The following GNAT3 variants were observed in gnomAD, a reference collection of about 807,000 sequenced individuals.
GNAT3 encodes guanine nucleotide-binding protein G(t) subunit alpha-3.
A neutral mutation model predicts 37.7 loss-of-function variants in GNAT3; 31 were observed. The observed-to-expected ratio is 0.82, with a 90% CI of 0.62 to 1.11. GNAT3 has a LOEUF of 1.11. Among genes scored for constraint, GNAT3 ranks in the 50% most tolerant of loss-of-function variants. GNAT3 has a pLI of 0.00. For synonymous variants in GNAT3, 138 were observed against 139.8 expected (o/e 0.99, Z 0.09); for missense variants, 437 against 412.5 (o/e 1.06, Z -0.51).
At chr7:80,463,332 T>C (rs1790083526) in intron 5 of GNAT3, among the ~76,000 whole-genome samples, 1 of 152,112 alleles carries the variant, frequency 6.6e-6, no homozygotes, top group African/African-American at 2.4e-5. Flanking sequence ...TAAGAGATCA[T>C]TGTGGATCGA....
At chr7:80,465,472 C>A (rs1480351999) in intron 5 of GNAT3, among the ~76,000 whole-genome samples, 1 of 152,096 alleles carries the variant, frequency 6.6e-6, no homozygotes, top group Non-Finnish European at 1.5e-5. Flanking sequence ...GACCCTTAAG[C>A]AAATTGCCTA....
chr7:80,486,666 T>C (rs1258924524), intron 3 of GNAT3: 1 of 144,162 alleles, frequency 6.9e-6, no homozygotes, highest in African/African-American at 2.6e-5. Flanking sequence ...ATAGATACAG[T>C]GTCTGGTTAT....
chr7:80,488,559 A>G lies in GNAT3; in HGVS notation c.279T>C (p.Ile93=). The G allele has an allele frequency of 6.2e-7, 1 of 1,601,856 alleles. No individual in the cohort carries two copies. The highest frequency in any genetic ancestry group is 1.7e-4 in the Middle Eastern group (1 of 6,036). ...AIVKAMTTLG[I]DYVNPRSAED... is the part of the protein sequence containing the mutation. ...CTGCACTTCTGGGATTTACATAATC[A>G]ATTCCAAGGGTAGTCATGGCTTTCA... The change falls in exon 3 of 8, where the codon ATT becomes ATC. Residue 93 remains isoleucine, a synonymous_variant. Coordinates refer to ENST00000398291, the MANE Select transcript of GNAT3 (RefSeq NM_001102386.3).
chr7:80,475,967 G>A (rs181636901), intron 4 of GNAT3, among the ~76,000 whole-genome samples: 1 of 152,162 alleles, frequency 6.6e-6, no homozygotes, highest in East Asian at 1.9e-4. Flanking sequence ...GGCAGGATTT[G>A]CTAGTGTATT....
chr7:80,504,716 T>G (rs6962693), intron 1 of GNAT3, among the ~76,000 whole-genome samples: 54,452 of 152,018 alleles, frequency 0.36, 10,355 homozygotes, highest in African/African-American at 0.43. Context: ...CTGAAACTAA[T>G]CTGAAATGAA....
rs762947584 is a variant in GNAT3, at chr7:80,474,233, A to G, written c.590+18T>C. On this transcript the variant is annotated intron_variant, in intron 5 of 7. Transcript: ENST00000398291. ...ATGCATACTTCTGTCTACAGTTAGA[A>G]AAGATATTTGATCATACCTGAAGTG... 1.9e-6 allele frequency: 3 copies of G among 1,601,552 alleles called. No homozygotes were observed. Among genetic ancestry groups the G allele is most frequent in the Non-Finnish European group, 2.6e-6 (3 of 1,173,094 alleles).
chr7:80,479,667 C>T (rs1584177880), intron 3 of GNAT3, among the ~76,000 whole-genome samples: 2 of 138,588 alleles, frequency 1.4e-5, no homozygotes, highest in African/African-American at 2.8e-5. Flanking sequence ...GCAGAGATTG[C>T]ACCACTACAT....
chr7:80,477,954 C>A (rs867661829), intron 4 of GNAT3, among the ~76,000 whole-genome samples: 7 of 152,158 alleles, frequency 4.6e-5, no homozygotes, highest in Admixed American at 1.3e-4. Flanking sequence ...TCTTTTGCCC[C>A]AACTGGAGTA....
intron 6 of GNAT3, 64 bp from the exon 7 acceptor site, chr7:80,462,376 C>G: frequency 6.4e-7 from 1 of 1,561,596 alleles, no homozygotes; most frequent in South Asian, 1.1e-5. Flanking sequence ...TGTTGAGCAT[C>G]ATGAACAAGG....
At chr7:80,473,263 G>A (rs925859253) in intron 5 of GNAT3, among the ~76,000 whole-genome samples, 1 of 152,032 alleles carries the variant, frequency 6.6e-6, no homozygotes, top group Non-Finnish European at 1.5e-5. Context: ...ATTTAGATAC[G>A]AATTTTGAAG....
intron 1 of GNAT3, among the ~76,000 whole-genome samples, chr7:80,504,849 G>A (rs943994857): frequency 6.6e-6 from 1 of 152,150 alleles, no homozygotes; most frequent in South Asian, 2.1e-4. Flanking sequence ...GGTGAGGTTG[G>A]GGGGAGATTC....
In GNAT3 at chr7:80,474,339, C is replaced by T; in HGVS notation, c.502G>A (p.Val168Met). The stretch of plus-strand genomic sequence containing the variant: ...TGGAGAACATCTTGTTCATTTGGCA[C>T]ATACCCAGATGCTGTTATTCTATCT... ...DLDRITASGY[V>M]PNEQDVLHSR... is the part of the protein sequence containing the mutation. The change falls in exon 5 of 8, where the codon GTG (valine) becomes ATG (methionine). Residue 168 changes from valine (V) to methionine (M), a missense_variant. Coordinates refer to ENST00000398291, the MANE Select transcript of GNAT3 (RefSeq NM_001102386.3). 1 of 1,561,254 alleles carries T rather than the reference C, an allele frequency of 6.4e-7. No homozygotes were observed. The highest frequency in any genetic ancestry group is 8.7e-7 in the Non-Finnish European group (1 of 1,149,878).
chr7:80,480,662 C>T (rs1390224522), intron 3 of GNAT3, among the ~76,000 whole-genome samples: 2 of 152,088 alleles, frequency 1.3e-5, no homozygotes, highest in Non-Finnish European at 2.9e-5. Flanking sequence ...TCATGCCTCC[C>T]CTTGTTAGAG....
chr7:80,485,553 T>C (rs1790463769), intron 3 of GNAT3, among the ~76,000 whole-genome samples: 3 of 152,174 alleles, frequency 2.0e-5, no homozygotes. Flanking sequence ...AGTTACTTGT[T>C]AAACATCAAG....
At chr7:80,465,968 T>A (rs1790123122) in intron 5 of GNAT3, among the ~76,000 whole-genome samples, 1 of 152,150 alleles carries the variant, frequency 6.6e-6, no homozygotes, top group African/African-American at 2.4e-5. Flanking sequence ...TATACATTAC[T>A]AGGTTTAAAC....
intron 3 of GNAT3, among the ~76,000 whole-genome samples, chr7:80,481,201 A>T (rs1395880641): frequency 6.6e-6 from 1 of 152,216 alleles, no homozygotes; most frequent in East Asian, 1.9e-4. Flanking sequence ...TTTTATTGTT[A>T]AAAGTAAACT....
At chr7:80,494,765 T>G in intron 1 of GNAT3, 118 bp from the exon 2 acceptor site, 1 of 627,602 alleles carries the variant, frequency 1.6e-6, no homozygotes, top group Non-Finnish European at 2.8e-6. Context: ...GGGGTACAAG[T>G]GCAGTTTTGT....
At chr7:80,475,229 C>T (rs1325504095) in intron 4 of GNAT3, among the ~76,000 whole-genome samples, 2 of 151,694 alleles carry the variant, frequency 1.3e-5, no homozygotes, top group Non-Finnish European at 2.9e-5. Flanking sequence ...TTTCCCCTCA[C>T]AGGATCTAGG....
intron 1 of GNAT3, among the ~76,000 whole-genome samples, chr7:80,499,116 G>A (rs972474631): frequency 1.3e-5 from 2 of 151,920 alleles, no homozygotes; most frequent in South Asian, 2.1e-4. Context: ...TCACATAATT[G>A]TATAGTAGAA....
Sources: allele counts gnomAD v4.1 joint callset (sites outside exome capture counted in the v4.1 genomes callset), GRCh38; gene constraint gnomAD v4.1.1; transcripts MANE v1.5; gene names NCBI Gene and HGNC (gene_info 2026-07-23, HGNC 2026-07-21).